Variants in PRDM10 observed in about 807,000 individuals in gnomAD.
PRDM10 encodes the protein PR domain zinc finger protein 10.
In PRDM10, 65 loss-of-function variants were observed where a neutral mutation model predicts 133.1. The ratio of observed to expected loss-of-function variants is 0.49; its 90% CI spans 0.40 to 0.60. The LOEUF (loss-of-function observed/expected upper bound fraction) is 0.60. Ranked by LOEUF, PRDM10 falls within the 20% of genes least tolerant of loss-of-function variation. PRDM10 has a pLI of 0.00. For synonymous variants in PRDM10, 582 were observed against 580.4 expected, an observed-to-expected ratio of 1.00 and a Z score of -0.04; for missense variants, 1,137 against 1,507.1, an observed-to-expected ratio of 0.75 and a Z score of 4.07.
chr11:129,990,632 T>G (rs932723024), intron 1 of PRDM10, among the ~76,000 whole-genome samples: 30 of 152,188 alleles, frequency 2.0e-4, no homozygotes, highest in African/African-American at 5.3e-4. Flanking sequence ...TCCTCACCTG[T>G]TTTTATTATC....
At chr11:129,917,783 C>T (rs1227889919) in intron 14 of PRDM10, among the ~76,000 whole-genome samples, 1 of 152,212 alleles carries the variant, frequency 6.6e-6, no homozygotes, top group Non-Finnish European at 1.5e-5. Flanking sequence ...CCTGCTTTGA[C>T]GGAAAGCTTC....
At chr11:129,953,268 G>A (rs780623591) in intron 4 of PRDM10, among the ~76,000 whole-genome samples, 1 of 151,844 alleles carries the variant, frequency 6.6e-6, no homozygotes, top group Non-Finnish European at 1.5e-5. Flanking sequence ...ATGATCCACT[G>A]CACCCAGCCG....
In PRDM10 at chr11:129,921,042, C is replaced by T. The variant is rs549148695; in HGVS notation, c.2034+2206G>A. Among the ~76,000 whole-genome samples the T allele has an allele frequency of 3.5e-4, 53 of 152,212 alleles. No homozygotes were observed. In the South Asian group the frequency reaches 0.011, roughly 32 times the overall value. On this transcript the variant is annotated intron_variant, in intron 13 of 20. Transcript: ENST00000360871. ...GAACTCCCAACCTCAGGTGATCTGC[C>T]CACCTTGGCCTCCCAAAGTGCTGGG...
intron 1 of PRDM10, among the ~76,000 whole-genome samples, chr11:129,999,649 C>T (rs1013294879): frequency 2.0e-5 from 3 of 152,132 alleles, no homozygotes; most frequent in Non-Finnish European, 4.4e-5. Flanking sequence ...GAGGTGTTTA[C>T]CAGTGCTTAA....
At chr11:130,000,630 A>G (rs935045922) in intron 1 of PRDM10, among the ~76,000 whole-genome samples, 4 of 152,252 alleles carry the variant, frequency 2.6e-5, no homozygotes, top group African/African-American at 7.2e-5. Flanking sequence ...ATTCTTTGAA[A>G]AAGCAAAACA....
At chr11:129,972,653 G>A (rs1027612986) in intron 1 of PRDM10, among the ~76,000 whole-genome samples, 3 of 152,316 alleles carry the variant, frequency 2.0e-5, no homozygotes, top group African/African-American at 7.2e-5. Context: ...AGGTCACAGT[G>A]TGGCCACAGG....
chr11:129,983,123 C>T (rs1054480024), intron 1 of PRDM10, among the ~76,000 whole-genome samples: 51 of 151,658 alleles, frequency 3.4e-4, no homozygotes, highest in African/African-American at 1.1e-3. Context: ...ATTACAGGTG[C>T]GCACCACCAC....
At chr11:129,957,474 C>T (rs189135336) in intron 3 of PRDM10, among the ~76,000 whole-genome samples, 167 of 152,310 alleles carry the variant, frequency 1.1e-3, no homozygotes, top group Admixed American at 4.4e-3. Context: ...CCCACCACCA[C>T]GCCCAGCTAC....
chr11:129,944,800 C>T lies in PRDM10; in HGVS notation c.733G>A (p.Glu245Lys). 6.2e-7 allele frequency: 1 copy of T among 1,613,884 alleles called. No individual in the cohort carries two copies. The highest frequency in any genetic ancestry group is 1.1e-5 in the South Asian group (1 of 91,072). The stretch of plus-strand genomic sequence containing the variant: ...AGGTGAATGTAACAGTCTTTCAGCT[C>T]CGAGCCCCTGACGAGAGGCCCCTCC... ...PVEGPLVRGS[E>K]LKDCYIHLKV... Residue 245 changes from glutamate (E) to lysine (K), a missense_variant, in exon 6 of 21, where the codon GAG becomes AAG. Transcript: ENST00000360871.
intron 8 of PRDM10, among the ~76,000 whole-genome samples, chr11:129,935,680 T>C (rs963438654): frequency 6.6e-6 from 1 of 152,222 alleles, no homozygotes; most frequent in Non-Finnish European, 1.5e-5. Context: ...GGCATATCCA[T>C]GACCCAGCAA....
chr11:129,966,952 A>C (rs1046203938), intron 1 of PRDM10, among the ~76,000 whole-genome samples: 2 of 152,218 alleles, frequency 1.3e-5, no homozygotes, highest in African/African-American at 4.8e-5. Flanking sequence ...CTCTTGGAGA[A>C]ATTTTAGGAA....
intron 1 of PRDM10, among the ~76,000 whole-genome samples, chr11:129,983,593 C>T (rs1467192116): frequency 2.0e-5 from 3 of 152,138 alleles, no homozygotes; most frequent in Non-Finnish European, 4.4e-5. Flanking sequence ...CCACCTCGCC[C>T]GGCCTAAAAA....
chr11:129,938,999 T>C lies in PRDM10; in HGVS notation c.967-1329A>G, dbSNP rs117198339. 2.5e-3 allele frequency among the ~76,000 whole-genome samples: 382 copies of C among 152,314 alleles called. 2 individuals are homozygous for C. The East Asian group carries it at 0.038, about 15-fold the overall frequency. ...GGGCTCTTTGCCCTCACCCCTGCCC[T>C]AACCCTCTGTAGTGCTGGCCCCATT... On this transcript the variant is annotated intron_variant, in intron 7 of 20. Transcript: ENST00000360871.
Position 129,924,891 on chromosome 11 carries a change from A to G in PRDM10, c.1869T>C (p.Asp623=). 6.2e-7 allele frequency: 1 copy of G among 1,600,352 alleles called. No homozygotes were observed. Among genetic ancestry groups the G allele is most frequent in the Non-Finnish European group, 8.5e-7 (1 of 1,173,672 alleles). ...AGTAGTAGACACTCACCTGGATAAA[A>G]TCTGGGAACCGTTTCTTACAAGTTG... is the stretch of plus-strand genomic sequence containing the variant. ...TCPTCKKRFP[D]FIQVKKHVRS... Residue 623 remains aspartate (D), a synonymous_variant, in exon 12 of 21, where the codon GAT becomes GAC. Coordinates refer to ENST00000360871, the MANE Select transcript of PRDM10 (RefSeq NM_199437.2).
At chr11:129,962,718 G>A (rs1265492744) in intron 1 of PRDM10, among the ~76,000 whole-genome samples, 2 of 152,106 alleles carry the variant, frequency 1.3e-5, no homozygotes, top group African/African-American at 2.4e-5. Context: ...CCCTAATAAA[G>A]TTGATTTTTT....
At chr11:129,987,513 A>G (rs1938493328) in intron 1 of PRDM10, among the ~76,000 whole-genome samples, 1 of 152,234 alleles carries the variant, frequency 6.6e-6, no homozygotes, top group Non-Finnish European at 1.5e-5. Flanking sequence ...ACACCAAATG[A>G]CTGAGCAATT....
chr11:129,956,240 C>T (rs1253990059), intron 3 of PRDM10, among the ~76,000 whole-genome samples: 1 of 152,148 alleles, frequency 6.6e-6, no homozygotes, highest in African/African-American at 2.4e-5. Context: ...ATCTCTAATC[C>T]AGAAAAATGT....
At chr11:129,930,166 G>A (rs1467659406) in intron 11 of PRDM10, among the ~76,000 whole-genome samples, 1 of 152,146 alleles carries the variant, frequency 6.6e-6, no homozygotes, top group Non-Finnish European at 1.5e-5. Flanking sequence ...TACGCTGAAC[G>A]ATCATGCATG....
chr11:129,902,587 G>T, intron 20 of PRDM10, 71 bp from the exon 21 acceptor site: 2 of 1,532,762 alleles, frequency 1.3e-6, no homozygotes, highest in South Asian at 1.2e-5. Flanking sequence ...TGGGGAAGGA[G>T]GGAGATGTGA....
Sources: allele counts gnomAD v4.1 joint callset (sites outside exome capture counted in the v4.1 genomes callset), GRCh38; gene constraint gnomAD v4.1.1; transcripts MANE v1.5; gene names NCBI Gene and HGNC (gene_info 2026-07-23, HGNC 2026-07-21).